The following SGCD variants were observed in gnomAD, a reference collection of about 807,000 sequenced individuals.
The protein encoded by SGCD is sarcoglycan delta.
Under a neutral mutation model 36.6 loss-of-function variants are expected in SGCD, and 18 were observed. The observed-to-expected ratio is 0.49, with a 90% CI of 0.34 to 0.73. The LOEUF (loss-of-function observed/expected upper bound fraction) is 0.73. Among genes scored for constraint, SGCD ranks in the 30% least tolerant of loss-of-function variants. The probability of loss-of-function intolerance (pLI) is 0.01; values close to 1 mark genes in which losing one functional copy is unlikely to be tolerated. For synonymous variants in SGCD, 133 were observed against 130.6 expected, an observed-to-expected ratio of 1.02 and a Z score of -0.12; for missense variants, 387 against 346.7, an observed-to-expected ratio of 1.12 and a Z score of -0.92.
At chr5:155,800,923 A>G in the SGCD span, among the ~76,000 whole-genome samples, 12 of 152,148 alleles carry the variant, frequency 7.9e-5, no homozygotes, top group Non-Finnish European at 1.8e-4. Context: ...TGTGTTCACC[A>G]CAGTTAAATC....
At chr5:156,505,539 G>A (rs1303735507) in intron 3 of SGCD, among the ~76,000 whole-genome samples, 3 of 152,150 alleles carry the variant, frequency 2.0e-5, no homozygotes, top group African/African-American at 7.2e-5. Flanking sequence ...AGTGAGGTAG[G>A]TTGGGTGGAG....
intron 1 of SGCD, among the ~76,000 whole-genome samples, chr5:156,031,730 A>G (rs1054322273): frequency 3.9e-5 from 6 of 152,202 alleles, no homozygotes; most frequent in Admixed American, 1.3e-4. Flanking sequence ...AAAGTTCAGC[A>G]CCAATCTGTG....
the SGCD span, among the ~76,000 whole-genome samples, chr5:155,803,570 C>A: frequency 6.6e-6 from 1 of 152,178 alleles, no homozygotes; most frequent in Admixed American, 6.5e-5. Context: ...CTCTCTAAGA[C>A]TCTAAGCAGA....
At chr5:156,726,580 ACCCCTCTCC>A in intron 7 of SGCD, among the ~76,000 whole-genome samples, 1 of 152,018 alleles carries the variant, frequency 6.6e-6, no homozygotes, top group East Asian at 1.9e-4. Context: ...TGGCCTATTC[ACCCCTCTCC>A]AACTCCCTGG....
chr5:156,225,025 C>G (rs1294702758), intron 3 of SGCD, among the ~76,000 whole-genome samples: 1 of 152,060 alleles, frequency 6.6e-6, no homozygotes, highest in Non-Finnish European at 1.5e-5. Flanking sequence ...CACTTAAACT[C>G]TTTGTACCTA....
chr5:156,631,563 T>C (rs1000648477), intron 6 of SGCD, among the ~76,000 whole-genome samples: 2 of 151,518 alleles, frequency 1.3e-5, no homozygotes, highest in Non-Finnish European at 2.9e-5. Flanking sequence ...TTTTTTTCTG[T>C]TTGTAGGGAT....
intron 4 of SGCD, among the ~76,000 whole-genome samples, chr5:156,514,076 A>G (rs1049087897): frequency 2.0e-5 from 3 of 152,224 alleles, no homozygotes. Context: ...TTTAATTGCT[A>G]AGTATAACTG....
At chr5:156,071,921 A>C (rs1253769358) in intron 1 of SGCD, among the ~76,000 whole-genome samples, 1 of 151,930 alleles carries the variant, frequency 6.6e-6, no homozygotes, top group Non-Finnish European at 1.5e-5. Flanking sequence ...TGTTGGTTTA[A>C]AGTCTGTTTT....
chr5:156,239,842 C>G (rs942261887), intron 3 of SGCD, among the ~76,000 whole-genome samples: 1 of 151,966 alleles, frequency 6.6e-6, no homozygotes, highest in Non-Finnish European at 1.5e-5. Flanking sequence ...TGTTTTGGAC[C>G]TATAAACTGT....
the SGCD span, among the ~76,000 whole-genome samples, chr5:155,791,596 G>A: frequency 1.3e-5 from 2 of 152,106 alleles, no homozygotes; most frequent in Non-Finnish European, 2.9e-5. Flanking sequence ...AAAATCAGTA[G>A]CATTTCTATA....
chr5:156,508,682 A>G lies in SGCD; in HGVS notation c.274A>G (p.Lys92Glu), dbSNP rs1159364901. Reference sequence around the variant, plus strand: ...TGAATTCTTACAACCTCTCTACGCCAAAGAAATCCAGTCCCGACCAGTAAG... The same window carrying G: ...TGAATTCTTACAACCTCTCTACGCCGAAGAAATCCAGTCCCGACCAGTAAG... ...DSEFLQPLYA[K>E]EIQSRPGNAL... Residue 92 changes from lysine (K) to glutamate (E), a missense_variant, in exon 4 of 9, where the codon AAA (lysine) becomes GAA (glutamate). Coordinates refer to ENST00000337851, the MANE Select transcript of SGCD (RefSeq NM_000337.6). 2 of 1,602,814 alleles carry G rather than the reference A, an allele frequency of 1.2e-6. No individual in the cohort carries two copies. The highest frequency in any genetic ancestry group is 1.7e-5 in the Admixed American group (1 of 59,086).
At chr5:156,567,393 G>T (rs1039910958) in intron 4 of SGCD, among the ~76,000 whole-genome samples, 1 of 137,212 alleles carries the variant, frequency 7.3e-6, no homozygotes, top group Admixed American at 7.2e-5. Context: ...TAGATAGATA[G>T]ATAGATAGAT....
chr5:156,263,934 C>G (rs1206204629), intron 3 of SGCD, among the ~76,000 whole-genome samples: 1 of 151,882 alleles, frequency 6.6e-6, no homozygotes, highest in Non-Finnish European at 1.5e-5. Context: ...GTTCTCTATT[C>G]TGTTGTGTTG....
At chr5:156,721,522 G>A (rs1471612875) in intron 7 of SGCD, among the ~76,000 whole-genome samples, 1 of 152,198 alleles carries the variant, frequency 6.6e-6, no homozygotes, top group Non-Finnish European at 1.5e-5. Context: ...AATGGAGAGA[G>A]CTAAAATCAC....
At chr5:156,316,509 A>C (rs1163248175) in intron 3 of SGCD, among the ~76,000 whole-genome samples, 1 of 152,002 alleles carries the variant, frequency 6.6e-6, no homozygotes, top group Non-Finnish European at 1.5e-5. Context: ...ATCTTGAGCA[A>C]GCAGAACAAA....
At chr5:156,529,417 C>A (rs1295882261) in intron 4 of SGCD, among the ~76,000 whole-genome samples, 1 of 111,076 alleles carries the variant, frequency 9.0e-6, no homozygotes, top group Non-Finnish European at 1.7e-5. Context: ...GGGTGTGACT[C>A]TGTCTCAAAA....
At chr5:155,891,640 A>G (rs1052345383) in intron 1 of SGCD, among the ~76,000 whole-genome samples, 2 of 143,276 alleles carry the variant, frequency 1.4e-5, no homozygotes, top group East Asian at 4.2e-4. Flanking sequence ...ACAATATTAC[A>G]GTGTTCCCGA....
intron 3 of SGCD, among the ~76,000 whole-genome samples, chr5:156,411,778 T>C (rs896373417): frequency 6.6e-6 from 1 of 152,214 alleles, no homozygotes; most frequent in Non-Finnish European, 1.5e-5. Context: ...TATTGACACA[T>C]ACACCAAAAA....
At chr5:156,573,154 T>TA (rs956211754) in intron 4 of SGCD, among the ~76,000 whole-genome samples, 4 of 152,080 alleles carry the variant, frequency 2.6e-5, no homozygotes, top group Non-Finnish European at 5.9e-5. Context: ...CTTTTCCCAA[T>TA]AAAAAAATTG....
Sources: allele counts gnomAD v4.1 joint callset (sites outside exome capture counted in the v4.1 genomes callset), GRCh38; gene constraint gnomAD v4.1.1; transcripts MANE v1.5; gene names NCBI Gene and HGNC (gene_info 2026-07-23, HGNC 2026-07-21).